The following FGF14 variants were observed in gnomAD, a reference collection of about 807,000 sequenced individuals.
FGF14 encodes the protein fibroblast growth factor homologous factor 4.
Under a neutral mutation model 25.5 loss-of-function variants are expected in FGF14, and 5 were observed. The observed-to-expected ratio is 0.20, with a 90% confidence interval of 0.10 to 0.41. FGF14 has a LOEUF of 0.41. Among genes scored for constraint, FGF14 ranks in the 10% least tolerant of loss-of-function variants. FGF14 has a pLI of 1.00. For synonymous variants in FGF14, 138 were observed against 118.3 expected, an observed-to-expected ratio of 1.17 and a Z score of -1.08; for missense variants, 222 against 320.1, an observed-to-expected ratio of 0.69 and a Z score of 2.34.
chr13:101,775,826 T>C (rs1324084984), intron 3 of FGF14, among the ~76,000 whole-genome samples: 1 of 152,178 alleles, frequency 6.6e-6, no homozygotes, highest in Non-Finnish European at 1.5e-5. Flanking sequence ...GGGGGAAACA[T>C]CTTTACCTTG....
chr13:102,212,024 A>G (rs144458232), intron 1 of FGF14, among the ~76,000 whole-genome samples: 1 of 152,254 alleles, frequency 6.6e-6, no homozygotes, highest in East Asian at 1.9e-4. Context: ...TTTCCGAAAG[A>G]GCACTTAGGG....
rs2047634410 is a variant in FGF14 at position 102,161,565 on chromosome 13, TGAAGAAAGAAAGAA to T, written c.208+239892_208+239905del. 8.9e-4 allele frequency among the ~76,000 whole-genome samples: 87 copies of T among 97,986 alleles called. 11 individuals carry two copies. Among genetic ancestry groups the T allele is most frequent in the Non-Finnish European group, 1.7e-3 (70 of 41,946 alleles). 64.3% of individuals were successfully genotyped at this position (97,986 alleles called of 152,430 possible). On this transcript the variant is annotated intron_variant, in intron 1 of 4. Transcript: ENST00000376131. ...TATTCTCTATGCAACCAACTTTCTG[TGAAGAAAGAAAGAA>T]GAAGAAGAAGAAGAAGAAGAAGAAG...
chr13:101,752,246 G>A (rs2037332403), intron 3 of FGF14, among the ~76,000 whole-genome samples: 1 of 152,078 alleles, frequency 6.6e-6, no homozygotes, highest in African/African-American at 2.4e-5. Context: ...GAAATATGAA[G>A]TACTTGTTTT....
At chr13:101,981,752 G>A (rs757924174) in intron 1 of FGF14, among the ~76,000 whole-genome samples, 2 of 152,150 alleles carry the variant, frequency 1.3e-5, no homozygotes, top group Non-Finnish European at 2.9e-5. Flanking sequence ...GGCCCTTCAG[G>A]GGTCTGTTGA....
At chr13:102,140,840 A>G (rs1010796774) in intron 1 of FGF14, among the ~76,000 whole-genome samples, 2 of 152,220 alleles carry the variant, frequency 1.3e-5, no homozygotes, top group Admixed American at 1.3e-4. Flanking sequence ...ACTTCGGCAA[A>G]AAGTGATAGA....
intron 3 of FGF14, among the ~76,000 whole-genome samples, chr13:101,808,956 G>A (rs564566919): frequency 4.9e-4 from 74 of 152,148 alleles, no homozygotes; most frequent in African/African-American, 1.7e-3. Context: ...TGGATACACC[G>A]CTGTTGAATT....
chr13:102,096,337 T>C (rs2044398495), intron 1 of FGF14, among the ~76,000 whole-genome samples: 1 of 152,078 alleles, frequency 6.6e-6, no homozygotes, highest in Non-Finnish European at 1.5e-5. Context: ...GGACTAGTCC[T>C]CCTTGAAAAA....
chr13:101,905,677 T>C (rs1281032662), intron 1 of FGF14, among the ~76,000 whole-genome samples: 1 of 152,108 alleles, frequency 6.6e-6, no homozygotes, highest in Non-Finnish European at 1.5e-5. Context: ...ATTCTGCACA[T>C]GTACCCCGGA....
intron 1 of FGF14, among the ~76,000 whole-genome samples, chr13:102,356,131 TAAAG>T (rs1369733275): frequency 6.6e-6 from 1 of 152,092 alleles, no homozygotes; most frequent in Non-Finnish European, 1.5e-5. Context: ...TGGAGAAAAA[TAAAG>T]AGATGAACAT....
At chr13:102,060,886 C>T (rs2042656706) in intron 1 of FGF14, among the ~76,000 whole-genome samples, 1 of 152,164 alleles carries the variant, frequency 6.6e-6, no homozygotes, top group African/African-American at 2.4e-5. Context: ...ACCCAAGACC[C>T]TATTGGGCAC....
chr13:102,197,521 AT>A (rs1166401272), intron 1 of FGF14, among the ~76,000 whole-genome samples: 2 of 152,128 alleles, frequency 1.3e-5, no homozygotes, highest in Non-Finnish European at 2.9e-5. Context: ...CATCTTTAGA[AT>A]TTGGCGGTTT....
At chr13:101,799,548 G>A (rs778250261) in intron 3 of FGF14, among the ~76,000 whole-genome samples, 7 of 152,032 alleles carry the variant, frequency 4.6e-5, no homozygotes, top group African/African-American at 1.2e-4. Context: ...TAAATAATGC[G>A]TGGCAATGAC....
At chr13:102,116,572 G>A (rs2045482256) in intron 1 of FGF14, among the ~76,000 whole-genome samples, 1 of 152,070 alleles carries the variant, frequency 6.6e-6, no homozygotes, top group East Asian at 1.9e-4. Flanking sequence ...AGGCAAGAAA[G>A]GACAAATCTT....
At chr13:102,273,499 C>T (rs2053354230) in intron 1 of FGF14, among the ~76,000 whole-genome samples, 1 of 152,048 alleles carries the variant, frequency 6.6e-6, no homozygotes, top group Non-Finnish European at 1.5e-5. Flanking sequence ...AAGCACTGTG[C>T]TTGCTGAAAA....
chr13:102,308,399 A>C (rs1403367023), intron 1 of FGF14, among the ~76,000 whole-genome samples: 3 of 152,188 alleles, frequency 2.0e-5, no homozygotes, highest in Non-Finnish European at 4.4e-5. Flanking sequence ...AAACAGGTAT[A>C]ATTTCTCCAG....
At chr13:102,350,865 T>C (rs551102884) in intron 1 of FGF14, among the ~76,000 whole-genome samples, 2 of 152,306 alleles carry the variant, frequency 1.3e-5, no homozygotes, top group East Asian at 3.9e-4. Context: ...GCTTTCTACA[T>C]AAGCGTGGTC....
At chr13:101,918,214 G>A (rs1264173835), upstream of FGF14, among the ~76,000 whole-genome samples, 1 of 152,150 alleles carries the variant, frequency 6.6e-6, no homozygotes, top group Non-Finnish European at 1.5e-5. Flanking sequence ...ACAAAAAGCC[G>A]GGGGGAGGTT....
chr13:102,026,862 C>G (rs1235170753), intron 1 of FGF14, among the ~76,000 whole-genome samples: 4 of 151,900 alleles, frequency 2.6e-5, no homozygotes, highest in Admixed American at 2.6e-4. Flanking sequence ...CACTATATAA[C>G]ACAACCAGAT....
At chr13:102,025,234 G>A (rs1020816939) in intron 1 of FGF14, among the ~76,000 whole-genome samples, 3 of 151,762 alleles carry the variant, frequency 2.0e-5, no homozygotes, top group Admixed American at 6.6e-5. Flanking sequence ...AATGCCAGCT[G>A]GGATTTTGAT....
Sources: allele counts gnomAD v4.1 joint callset (sites outside exome capture counted in the v4.1 genomes callset), GRCh38; gene constraint gnomAD v4.1.1; transcripts MANE v1.5; gene names NCBI Gene and HGNC (gene_info 2026-07-23, HGNC 2026-07-21).